Variants in RFNG observed in about 807,000 individuals in gnomAD.
RFNG encodes the protein beta-1,3-N-acetylglucosaminyltransferase radical fringe.
A neutral mutation model predicts 29.6 loss-of-function variants in RFNG; 37 were observed. That is an observed-to-expected ratio of 1.25 (90% CI 0.96 to 1.65). The LOEUF (loss-of-function observed/expected upper bound fraction) is 1.65. RFNG is among the 40% of genes most tolerant of loss of function. The probability of loss-of-function intolerance (pLI) is 0.00; values close to 1 mark genes in which losing one functional copy is unlikely to be tolerated. For synonymous variants in RFNG, 276 were observed against 197.3 expected (o/e 1.40, Z -3.34); for missense variants, 546 against 457.0 (o/e 1.19, Z -1.78).
Position 82,048,733 on chromosome 17 carries a change from G to A in RFNG, c.989C>T (p.Ser330Phe), listed in dbSNP as rs2144189348. The part of the protein sequence containing the change: ...CPRQKQGAPT[S>F]R ...GGGTCGGGGTGGTTGGTGTCACCGA[G>A]AGGTCGGGGCGCCCTGTTTCTGCCT... Residue 330 changes from serine to phenylalanine, a missense_variant, in exon 8 of 8, where the codon TCT becomes TTT. Coordinates refer to ENST00000310496, the MANE Select transcript of RFNG (RefSeq NM_002917.2). 6.2e-7 allele frequency: 1 copy of A among 1,612,834 alleles called. No individual in the cohort carries two copies. The highest frequency in any genetic ancestry group is 1.1e-5 in the South Asian group (1 of 91,082).
rs775372091 is a variant in RFNG, at chr17:82,050,727, G to A, written c.354C>T (p.Arg118=). The A allele has an allele frequency of 1.7e-5, 27 of 1,613,086 alleles. No homozygotes were observed. The highest frequency in any genetic ancestry group is 6.7e-5 in the East Asian group (3 of 44,894). The change falls in exon 3 of 8, where the codon CGC becomes CGT. Residue 118 remains arginine, a synonymous_variant. Transcript: ENST00000310496. ...RVINTNCSAV[R]TRQALCCKMS... ...TCTTGCAGCAGAGGGCCTGACGAGT[G>A]CGCACCGCCGAGCAGTTGGTGTTGA... is the stretch of plus-strand genomic sequence containing the variant.
intron 6 of RFNG, 113 bp from the exon 7 acceptor site, chr17:82,049,229 C>G: frequency 4.8e-6 from 4 of 837,762 alleles, no homozygotes; most frequent in Non-Finnish European, 6.0e-6. Context: ...TCCCCAGGCC[C>G]TCGGGGAGGC....
At position 82,049,065 on chromosome 17, in the gene RFNG, C is replaced by A. The variant is rs373836166; in HGVS notation, c.880G>T (p.Ala294Ser). The change falls in exon 7 of 8, where the codon GCT becomes TCT. Residue 294 changes from alanine (A) to serine (S), a missense_variant. Transcript: ENST00000310496. The stretch of plus-strand genomic sequence containing the variant: ...TCTTGATGCAGGCTGAAGCCTCCAG[C>A]CACGTTCACCACGTTATGTGGGTTC... ...PENPHNVVNV[A>S]GGFSLHQDPT... 1 of 1,613,560 alleles carries A rather than the reference C, an allele frequency of 6.2e-7. No homozygotes were observed. The highest frequency in any genetic ancestry group is 1.3e-5 in the African/African-American group (1 of 75,030).
At chr17:82,048,926 G>C (rs1325800253) in intron 7 of RFNG, 105 bp downstream of exon 7, 2 of 1,441,758 alleles carry the variant, frequency 1.4e-6, no homozygotes, top group African/African-American at 1.4e-5. Context: ...GCCGGGGTCA[G>C]GGCCGTGGGC....
At chr17:82,050,882 C>G in intron 2 of RFNG, 118 bp from the exon 3 acceptor site, 1 of 1,414,408 alleles carries the variant, frequency 7.1e-7, no homozygotes, top group South Asian at 1.3e-5. Context: ...CATGCCTGGA[C>G]ACCTTGCCTG....
rs890219730 is a variant in RFNG at position 82,049,788 on chromosome 17, T to A, written c.717A>T (p.Thr239=). 3.2e-6 allele frequency: 5 copies of A among 1,541,376 alleles called. No individual in the cohort carries two copies. Among genetic ancestry groups the A allele is most frequent in the Non-Finnish European group, 4.4e-6 (5 of 1,147,418 alleles). Residue 239 remains threonine, a synonymous_variant, in exon 6 of 8, where the codon ACA becomes ACT. Transcript: ENST00000310496. ...GGAGCCCCTCCACGATGTAGCCAAC[T>A]GTGCAGTCATCCGGCAGCCGCACCT... The part of the protein sequence containing the change: ...AEQVRLPDDC[T]VGYIVEGLLG...
chr17:82,051,475 C>T lies in RFNG; in HGVS notation c.267+25G>A. The T allele has an allele frequency of 7.4e-7, 1 of 1,349,564 alleles. No homozygotes were observed. Among genetic ancestry groups the T allele is most frequent in the Non-Finnish European group, 9.5e-7 (1 of 1,048,402 alleles). 83.6% of individuals were successfully genotyped at this position (1,349,564 alleles called of 1,614,324 possible). A position where few individuals can be genotyped will look rare whatever the true frequency, so the allele number is the denominator to read the frequency against. On this transcript the variant is annotated intron_variant, in intron 1 of 7. Coordinates refer to ENST00000310496, the MANE Select transcript of RFNG (RefSeq NM_002917.2). The surrounding 1 kb of genome is among the most constrained non-coding windows in gnomAD (Gnocchi z 4.1). ...GCGGGGCGGGTGGGCGTGGGGCTCG[C>T]CGTCGGGGTCGGGGTCCGGCGCACC... is the stretch of plus-strand genomic sequence containing the variant.
rs1189636019 is a variant in RFNG at position 82,051,675 on chromosome 17, C to CGGGGCA, written c.86_91dup (p.Leu29_Pro30dup). On this transcript the variant is annotated inframe_insertion, in exon 1 of 8. Coordinates refer to ENST00000310496, the MANE Select transcript of RFNG (RefSeq NM_002917.2). The surrounding 1 kb of genome is among the most constrained non-coding windows in gnomAD (Gnocchi z 4.1). ...GGGGGTCCGGGCCGGGGCGGGCGCG[C>CGGGGCA]GGGGCAGCGGCAGCGGCAGTAACAG... is the stretch of plus-strand genomic sequence containing the variant. 3.5e-5 allele frequency: 35 copies of CGGGGCA among 997,944 alleles called. No individual in the cohort carries two copies. Among genetic ancestry groups the CGGGGCA allele is most frequent in the Non-Finnish European group, 3.9e-5 (33 of 839,950 alleles). 61.8% of individuals were successfully genotyped at this position (997,944 alleles called of 1,614,324 possible).
chr17:82,051,639 G>A lies in RFNG; in HGVS notation c.128C>T (p.Pro43Leu). The change falls in exon 1 of 8, where the codon CCG becomes CTG. Residue 43 changes from proline to leucine, a missense_variant. Pro to Leu is a moderately conservative substitution (Grantham distance 98, BLOSUM62 -3). Coordinates refer to ENST00000310496, the MANE Select transcript of RFNG (RefSeq NM_002917.2). The surrounding 1 kb of genome is among the most constrained non-coding windows in gnomAD (Gnocchi z 4.1). ...AGCGGGCCGGGACGGGGGCGCGCGCGGGGCCGGGGCGGGGGTCCGGGCCGG... is the reference window on the plus strand; with the variant it reads ...AGCGGGCCGGGACGGGGGCGCGCGCAGGGCCGGGGCGGGGGTCCGGGCCGG... ...PAPARTPAPA[P>L]RAPPSRPAAP... 3 of 1,098,824 alleles carry A rather than the reference G, an allele frequency of 2.7e-6. No individual in the cohort carries two copies. Among genetic ancestry groups the A allele is most frequent in the Non-Finnish European group, 3.3e-6 (3 of 902,508 alleles). 68.1% of individuals were successfully genotyped at this position (1,098,824 alleles called of 1,614,324 possible).
rs758793397 is a variant in RFNG at position 82,050,001 on chromosome 17, G to T, written c.579C>A (p.Thr193=). The part of the protein sequence containing the change: ...TERVQGGRTV[T]TVKFWFATGG... ...CAGTAGCAAACCAGAACTTGACCGT[G>T]GTCACCTGAAGATGGGGTGGTGGTC... The change falls in exon 5 of 8, where the codon ACC becomes ACA. Residue 193 remains threonine, a synonymous_variant. Transcript: ENST00000310496. The T allele has an allele frequency of 6.2e-7, 1 of 1,609,316 alleles. No individual in the cohort carries two copies. The highest frequency in any genetic ancestry group is 1.7e-5 in the Admixed American group (1 of 59,696).
chr17:82,050,642 G>A lies in RFNG; in HGVS notation c.419+20C>T. 6.2e-7 allele frequency: 1 copy of A among 1,612,054 alleles called. No homozygotes were observed. On this transcript the variant is annotated intron_variant, in intron 3 of 7. Coordinates refer to ENST00000310496, the MANE Select transcript of RFNG (RefSeq NM_002917.2). ...CAGCTTGGCTCTGAGCTCTCTGCGG[G>A]TCGGGTCAGCGCCGCGTACTTGCGC...
intron 6 of RFNG, chr17:82,049,378 G>A (rs1355594507): frequency 1.3e-5 from 9 of 698,510 alleles, no homozygotes; most frequent in Non-Finnish European, 1.6e-5. Flanking sequence ...CACGTGATGG[G>A]ACCTGTTCCG....
chr17:82,049,400 C>T (rs929376669), intron 6 of RFNG: 4 of 699,150 alleles, frequency 5.7e-6, no homozygotes, highest in Non-Finnish European at 1.0e-5. Flanking sequence ...CTCACCATCA[C>T]CATACACACC....
At position 82,050,392 on chromosome 17, in the gene RFNG, C is replaced by T. The variant is rs372862665; in HGVS notation, c.573+10G>A. On this transcript the variant is annotated intron_variant, in intron 4 of 7. Transcript: ENST00000310496. ...GCGTCTGCTCCGATGGCGTCTGCTC[C>T]GACACTCACAGTTCTGCCACCCTGG... 1.7e-5 allele frequency: 26 copies of T among 1,563,088 alleles called. No individual in the cohort carries two copies. The highest frequency in any genetic ancestry group is 1.4e-4 in the African/African-American group (10 of 72,540).
intron 2 of RFNG, 138 bp from the exon 3 acceptor site, chr17:82,050,902 A>G: frequency 7.1e-7 from 1 of 1,417,678 alleles, no homozygotes; most frequent in Non-Finnish European, 9.4e-7. Flanking sequence ...GGGTCCAACC[A>G]CAGCCCTAGC....
chr17:82,048,558 A>G lies in RFNG; in HGVS notation c.*168T>C. ...CCCAAAACACCCATCACCGCAGCCC[A>G]CCAGGGGCTGGGAGAGGGGGGGCTG... On this transcript the variant is annotated 3_prime_UTR_variant, in exon 8 of 8. Coordinates refer to ENST00000310496, the MANE Select transcript of RFNG (RefSeq NM_002917.2). The G allele has an allele frequency of 1.6e-6, 1 of 634,468 alleles. No individual in the cohort carries two copies. The highest frequency in any genetic ancestry group is 2.7e-5 in the Admixed American group (1 of 37,482). The allele number at this position is 634,468 out of a possible 1,614,324, so 39.3% of individuals were successfully genotyped here.
chr17:82,049,203 CT>C (rs773487481), intron 6 of RFNG, 87 bp from the exon 7 acceptor site: 24 of 1,117,458 alleles, frequency 2.1e-5, no homozygotes, highest in Admixed American at 9.8e-5. Context: ...GCTAGAGCCC[CT>C]TTGCCCACCC....
chr17:82,050,028 G>A, intron 4 of RFNG, 22 bp from the exon 5 acceptor site: 1 of 1,581,060 alleles, frequency 6.3e-7, no homozygotes, highest in Non-Finnish European at 8.6e-7. Flanking sequence ...GTGGTGGTCA[G>A]AGCTGCCCAG....
chr17:82,049,957 A>T lies in RFNG; in HGVS notation c.623T>A (p.Leu208His), dbSNP rs1251022459. ...CATCTTGAGGGCAAGGCCTCTGCTG[A>T]GGCAGAACCCGGCCCCACCAGTAGC... ...WFATGGAGFCLSRGLALKMSP... is the reference protein window; with the variant it reads ...WFATGGAGFCHSRGLALKMSP... Residue 208 changes from leucine to histidine, a missense_variant, in exon 5 of 8, where the codon CTC (leucine) becomes CAC (histidine). Transcript: ENST00000310496. The T allele has an allele frequency of 6.2e-7, 1 of 1,612,568 alleles. No individual in the cohort carries two copies. The highest frequency in any genetic ancestry group is 8.5e-7 in the Non-Finnish European group (1 of 1,179,760).
Sources: gnomAD v4.1 joint callset for allele counts on GRCh38, gnomAD v4.1.1 for gene constraint, Gnocchi (gnomAD v3.1) non-coding constraint, MANE v1.5 for transcripts, NCBI Gene and HGNC (gene_info 2026-07-23, HGNC 2026-07-21) for gene names.